Variants in DST observed in about 807,000 individuals in gnomAD.
DST encodes the protein dystonin.
DST carries 253 observed loss-of-function variants against 875.2 expected under a neutral mutation model. The observed-to-expected ratio is 0.29, with a 90% CI of 0.26 to 0.32. The LOEUF (loss-of-function observed/expected upper bound fraction) is 0.32. Ranked by LOEUF, DST falls within the 10% of genes least tolerant of loss-of-function variation. DST has a pLI of 1.00. For missense variants in DST, 8,287 were observed against 9,111.6 expected (o/e 0.91, Z 3.68); for synonymous variants, 3,124 against 3,197.1 (o/e 0.98, Z 0.77).
intron 36 of DST, among the ~76,000 whole-genome samples, chr6:56,623,244 C>T (rs903666819): frequency 1.3e-5 from 2 of 151,994 alleles, no homozygotes; most frequent in African/African-American, 4.8e-5. Flanking sequence ...GAGTAAGTGG[C>T]CCATATATGT....
intron 4 of DST, among the ~76,000 whole-genome samples, chr6:56,803,039 G>C (rs1590792091): frequency 1.3e-5 from 2 of 152,100 alleles, no homozygotes. Flanking sequence ...CTGCCATTTG[G>C]GGGCTGTTTT....
In DST at chr6:56,645,818, G is replaced by A. The variant is rs143268181; in HGVS notation, c.1778+48C>T. On this transcript the variant is annotated intron_variant, in intron 15 of 103. Transcript: ENST00000680361. The stretch of plus-strand genomic sequence containing the variant: ...TTAAGTTCTTTCACAAGAACACAAA[G>A]GCCCCCTCCCCACTTGATATTCATG... 2,578 of 1,598,442 alleles carry A rather than the reference G, an allele frequency of 1.6e-3. 30 individuals carry two copies. In the African/African-American group the frequency reaches 0.028, roughly 17 times the overall value.
chr6:56,675,948 A>T (rs2099127039), intron 9 of DST, among the ~76,000 whole-genome samples: 1 of 152,252 alleles, frequency 6.6e-6, no homozygotes, highest in Non-Finnish European at 1.5e-5. Context: ...GCCAACAGGT[A>T]TATGAAAAAA....
At chr6:56,758,369 T>TA (rs913888460) in intron 4 of DST, among the ~76,000 whole-genome samples, 7 of 152,084 alleles carry the variant, frequency 4.6e-5, no homozygotes, top group Non-Finnish European at 1.0e-4. Flanking sequence ...GTGAAACATC[T>TA]AAAAAAACAT....
rs1168581623 is a variant in DST at position 56,459,261 on chromosome 6, T to A, written c.23201A>T (p.Lys7734Met). The A allele has an allele frequency of 6.2e-7, 1 of 1,612,042 alleles. No homozygotes were observed. Among genetic ancestry groups the A allele is most frequent in the Non-Finnish European group, 8.5e-7 (1 of 1,178,914 alleles). ...ACTTCCTGGTCGGCTGGGAGTCTTCTTGGAATCTGAGGAAAGAAGGTAGAG... is the reference window on the plus strand; with the variant it reads ...ACTTCCTGGTCGGCTGGGAGTCTTCATGGAATCTGAGGAAAGAAGGTAGAG... ...ARVRTQFADS[K>M]KTPSRPGSRA... is the part of the protein sequence containing the mutation. The change falls in exon 104 of 104, where the codon AAG becomes ATG. Residue 7734 changes from lysine (K) to methionine (M), a missense_variant. Transcript: ENST00000680361.
chr6:56,683,420 T>C (rs529040110), intron 9 of DST, among the ~76,000 whole-genome samples: 2 of 152,338 alleles, frequency 1.3e-5, no homozygotes, highest in East Asian at 3.9e-4. Flanking sequence ...ACTGTGCCAG[T>C]GCGGTAATCC....
rs150884090 is a variant in DST at position 56,794,258 on chromosome 6, C to T, written c.625+57139G>A. ...CATTATGACAATCTGAAGCCTTTTA[C>T]CATCTCTTTATTTTTCATTTACCAC... is the stretch of plus-strand genomic sequence containing the variant. On this transcript the variant is annotated intron_variant, in intron 4 of 103. Transcript: ENST00000680361. 4.9e-4 allele frequency among the ~76,000 whole-genome samples: 74 copies of T among 152,292 alleles called. 2 individuals carry two copies. The East Asian group carries it at 0.012, about 24-fold the overall frequency.
chr6:56,586,347 G>A (rs2098148610), intron 49 of DST, among the ~76,000 whole-genome samples: 1 of 151,696 alleles, frequency 6.6e-6, no homozygotes, highest in Non-Finnish European at 1.5e-5. Flanking sequence ...TTACCATTAT[G>A]TAATGGCCTT....
chr6:56,470,427 T>A (rs1373547645), intron 95 of DST, 145 bp from the exon 96 acceptor site: 1 of 562,456 alleles, frequency 1.8e-6, no homozygotes, highest in Non-Finnish European at 2.9e-6. Flanking sequence ...CTGATTTACA[T>A]CACAGCAAAT....
chr6:56,469,803 G>A, intron 97 of DST, 80 bp downstream of exon 97: 1 of 1,260,704 alleles, frequency 7.9e-7, no homozygotes, highest in Admixed American at 1.8e-5. Context: ...AAGACTCCTG[G>A]AAAACAATGG....
At chr6:56,655,431 T>A (rs148199114) in intron 10 of DST, among the ~76,000 whole-genome samples, 2 of 152,082 alleles carry the variant, frequency 1.3e-5, no homozygotes, top group Non-Finnish European at 2.9e-5. Flanking sequence ...AAAAGACACA[T>A]ATGGGAAATA....
At chr6:56,867,657 TA>T (rs773743740) in intron 3 of DST, among the ~76,000 whole-genome samples, 9 of 152,224 alleles carry the variant, frequency 5.9e-5, no homozygotes, top group South Asian at 2.1e-4. Flanking sequence ...CCGTCTCTAC[TA>T]AAAATACAAA....
At chr6:56,593,101 G>A (rs1422697802) in intron 48 of DST, among the ~76,000 whole-genome samples, 1 of 152,122 alleles carries the variant, frequency 6.6e-6, no homozygotes, top group East Asian at 1.9e-4. Context: ...CCATCTTGTG[G>A]TCACACTGGA....
Position 56,460,295 on chromosome 6 carries a change from C to T in DST, c.23071-41G>A, listed in dbSNP as rs761775425. On this transcript the variant is annotated intron_variant, in intron 102 of 103. Transcript: ENST00000680361. ...AACAAGACATTTCAAAATATTGCTC[C>T]TGTACCATGATATTCCACTGACACC... 9 of 1,610,528 alleles carry T rather than the reference C, an allele frequency of 5.6e-6. No individual in the cohort carries two copies. The South Asian group carries it at 9.9e-5, about 18-fold the overall frequency.
chr6:56,657,696 C>T (rs1056522165), intron 10 of DST, among the ~76,000 whole-genome samples: 2 of 152,104 alleles, frequency 1.3e-5, no homozygotes, highest in South Asian at 2.1e-4. Context: ...GTACTTAATG[C>T]CACTTAACTA....
chr6:56,734,334 CT>C (rs2099515351), intron 5 of DST, among the ~76,000 whole-genome samples: 1 of 152,200 alleles, frequency 6.6e-6, no homozygotes, highest in Non-Finnish European at 1.5e-5. Context: ...ATAAAAATCA[CT>C]TTTATAGAAG....
chr6:56,892,350 G>A (rs1788001099), intron 3 of DST, among the ~76,000 whole-genome samples: 1 of 128,996 alleles, frequency 7.8e-6, no homozygotes, highest in Admixed American at 8.7e-5. Context: ...TTCAGACAGT[G>A]TCTTGCTCTG....
At chr6:56,883,865 TAATAA>T (rs1230952049) in intron 3 of DST, among the ~76,000 whole-genome samples, 1 of 152,110 alleles carries the variant, frequency 6.6e-6, no homozygotes, top group Non-Finnish European at 1.5e-5. Context: ...TAATTATTTT[TAATAA>T]AATAAAAATA....
At chr6:56,907,129 A>G (rs1404487884) in intron 2 of DST, among the ~76,000 whole-genome samples, 1 of 152,184 alleles carries the variant, frequency 6.6e-6, no homozygotes, top group African/African-American at 2.4e-5. Flanking sequence ...ACTGAAAAAA[A>G]TCAGGAGTTC....
Sources: gnomAD v4.1 joint callset for allele counts (sites outside exome capture counted in the v4.1 genomes callset) on GRCh38, gnomAD v4.1.1 for gene constraint, MANE v1.5 for transcripts, NCBI Gene and HGNC (gene_info 2026-07-23, HGNC 2026-07-21) for gene names.